CNTNAP2: variants seen among roughly 807,000 people sequenced by gnomAD.
The protein encoded by CNTNAP2 is contactin associated protein 2, also known as contactin-associated protein-like 2.
CNTNAP2 carries 98 observed loss-of-function variants against 155.2 expected under a neutral mutation model. The observed-to-expected ratio is 0.63, with a 90% confidence interval of 0.54 to 0.75. CNTNAP2 has a LOEUF of 0.75. CNTNAP2 is among the 30% of genes least tolerant of loss of function. CNTNAP2 has a pLI of 0.00. For synonymous variants in CNTNAP2, 651 were observed against 631.2 expected, an observed-to-expected ratio of 1.03 and a Z score of -0.47; for missense variants, 1,727 against 1,688.1, an observed-to-expected ratio of 1.02 and a Z score of -0.40.
At chr7:146,172,432 T>A (rs1798408606) in intron 1 of CNTNAP2, among the ~76,000 whole-genome samples, 1 of 152,110 alleles carries the variant, frequency 6.6e-6, no homozygotes, top group African/African-American at 2.4e-5. Context: ...TATTGAAACA[T>A]ACACTGCGCA....
intron 13 of CNTNAP2, among the ~76,000 whole-genome samples, chr7:147,764,087 C>G (rs1190641036): frequency 6.6e-6 from 1 of 151,876 alleles, no homozygotes; most frequent in Admixed American, 6.6e-5. Flanking sequence ...TAGCTTTTTC[C>G]CTTGTTCTCA....
rs1563137238 is a variant in CNTNAP2, at chr7:147,925,199, GA to G, written c.2255+21480del. 7.8e-4 allele frequency among the ~76,000 whole-genome samples: 117 copies of G among 149,526 alleles called. 2 individuals are homozygous for G. Among genetic ancestry groups the G allele is most frequent in the African/African-American group, 2.6e-3 (105 of 39,956 alleles). On this transcript the variant is annotated intron_variant, in intron 14 of 23. Coordinates refer to ENST00000361727, the MANE Select transcript of CNTNAP2 (RefSeq NM_014141.6). Reference sequence around the variant, plus strand: ...GGAAGGAAGGAAGGAAGGAAGGAAGGAAGGAAGGAAAGAAGGAGCAGTTTTA... The same window carrying G: ...GGAAGGAAGGAAGGAAGGAAGGAAGGAGGAAGGAAAGAAGGAGCAGTTTTA...
At chr7:147,713,723 T>C (rs1796437750) in intron 13 of CNTNAP2, among the ~76,000 whole-genome samples, 1 of 152,130 alleles carries the variant, frequency 6.6e-6, no homozygotes, top group African/African-American at 2.4e-5. Flanking sequence ...CTAAACTGTT[T>C]TCTATGGTGG....
At chr7:148,180,587 A>C (rs1372069965) in intron 18 of CNTNAP2, among the ~76,000 whole-genome samples, 1 of 152,142 alleles carries the variant, frequency 6.6e-6, no homozygotes, top group Non-Finnish European at 1.5e-5. Context: ...TACCAACAGA[A>C]GTTGCGTCTC....
intron 2 of CNTNAP2, among the ~76,000 whole-genome samples, chr7:146,786,439 C>A (rs1265183313): frequency 1.3e-5 from 2 of 151,910 alleles, no homozygotes; most frequent in Non-Finnish European, 2.9e-5. Context: ...TAGAATTGTT[C>A]TTTTATATGC....
chr7:147,052,624 T>C lies in CNTNAP2; in HGVS notation c.550+8570T>C, dbSNP rs182032095. ...TTTCTAATTTAAATATTTGTATAAC[T>C]TGTATTATTATTTCTGGTTATTATT... On this transcript the variant is annotated intron_variant, in intron 4 of 23. Coordinates refer to ENST00000361727, the MANE Select transcript of CNTNAP2 (RefSeq NM_014141.6). 3.1e-4 allele frequency among the ~76,000 whole-genome samples: 47 copies of C among 152,132 alleles called. 1 individual carries two copies. The highest frequency in any genetic ancestry group is 2.8e-3 in the Admixed American group (42 of 15,268).
chr7:148,352,078 G>C (rs947056874), intron 21 of CNTNAP2, among the ~76,000 whole-genome samples: 1 of 152,194 alleles, frequency 6.6e-6, no homozygotes, highest in African/African-American at 2.4e-5. Context: ...TCAGATAAGT[G>C]TGTGGTAGGC....
Position 146,247,564 on chromosome 7 carries a change from T to G in CNTNAP2, c.97+130591T>G, listed in dbSNP as rs183801489. 5.2e-3 allele frequency among the ~76,000 whole-genome samples: 799 copies of G among 152,204 alleles called. 5 individuals carry two copies. Among genetic ancestry groups the G allele is most frequent in the African/African-American group, 0.018 (763 of 41,516 alleles). On this transcript the variant is annotated intron_variant, in intron 1 of 23. Coordinates refer to ENST00000361727, the MANE Select transcript of CNTNAP2 (RefSeq NM_014141.6). ...TTACATTGGGAACAGAGACTAGAGA[T>G]GCACTGACATGTAAAAGAGTGCCTG...
intron 13 of CNTNAP2, among the ~76,000 whole-genome samples, chr7:147,677,429 T>C (rs1184588841): frequency 6.6e-6 from 1 of 151,750 alleles, no homozygotes; most frequent in Non-Finnish European, 1.5e-5. Flanking sequence ...TTATCAGATG[T>C]GTAGTTTGCA....
rs914624407 is a variant in CNTNAP2, at chr7:147,074,921, T to A, written c.550+30867T>A. Among the ~76,000 whole-genome samples, 31 of 152,288 alleles carry A rather than the reference T, an allele frequency of 2.0e-4. 1 individual carries two copies. The highest frequency in any genetic ancestry group is 6.8e-3 in the Middle Eastern group (2 of 294). On this transcript the variant is annotated intron_variant, in intron 4 of 23. Transcript: ENST00000361727. ...TTTGCTCCTTCTGAAGCATTTTTTTTAATTAGACAATACATTTATAACCAA... is the reference window on the plus strand; with the variant it reads ...TTTGCTCCTTCTGAAGCATTTTTTTAAATTAGACAATACATTTATAACCAA...
chr7:147,663,278 A>C (rs56081512), intron 13 of CNTNAP2, among the ~76,000 whole-genome samples: 1 of 152,130 alleles, frequency 6.6e-6, no homozygotes, highest in South Asian at 2.1e-4. Context: ...TTACAGGCGT[A>C]AGCCACCGTG....
chr7:147,235,812 G>GC (rs1755145009), intron 8 of CNTNAP2, among the ~76,000 whole-genome samples: 1 of 152,072 alleles, frequency 6.6e-6, no homozygotes, highest in Non-Finnish European at 1.5e-5. Flanking sequence ...AATATAATAA[G>GC]CCCATTCTTC....
chr7:147,478,830 G>C (rs964803545), intron 10 of CNTNAP2, among the ~76,000 whole-genome samples: 1 of 152,170 alleles, frequency 6.6e-6, no homozygotes, highest in African/African-American at 2.4e-5. Flanking sequence ...TATTGCTATA[G>C]AAGAGGACTG....
At chr7:147,562,409 TG>T in intron 12 of CNTNAP2, 152 bp downstream of exon 12, 1 of 1,026,732 alleles carries the variant, frequency 9.7e-7, no homozygotes, top group Non-Finnish European at 1.5e-6. Context: ...GATGATGAAA[TG>T]TATTATTAGA....
intron 1 of CNTNAP2, among the ~76,000 whole-genome samples, chr7:146,634,252 A>G (rs1470710600): frequency 4.6e-5 from 7 of 152,346 alleles, no homozygotes; most frequent in African/African-American, 1.7e-4. Flanking sequence ...TTACTTCAAA[A>G]TATTTCTGAA....
chr7:146,213,916 A>G (rs1045165538), intron 1 of CNTNAP2, among the ~76,000 whole-genome samples: 5 of 152,170 alleles, frequency 3.3e-5, no homozygotes, highest in African/African-American at 9.7e-5. Flanking sequence ...CCTACACTCT[A>G]TATTGATTTT....
chr7:147,954,628 C>T (rs576247974), intron 14 of CNTNAP2, among the ~76,000 whole-genome samples: 4 of 152,164 alleles, frequency 2.6e-5, no homozygotes, highest in Non-Finnish European at 4.4e-5. Flanking sequence ...TATTTTCAGC[C>T]AATAATTGCT....
intron 2 of CNTNAP2, among the ~76,000 whole-genome samples, chr7:146,798,286 A>G (rs1392914067): frequency 2.0e-5 from 3 of 152,044 alleles, no homozygotes; most frequent in Admixed American, 6.5e-5. Context: ...TCCAAAAAAA[A>G]AAAAAGACTT....
chr7:147,579,466 C>G (rs944874924), intron 12 of CNTNAP2, among the ~76,000 whole-genome samples: 2 of 151,888 alleles, frequency 1.3e-5, no homozygotes, highest in Admixed American at 6.6e-5. Flanking sequence ...TATAATATGC[C>G]AGTGATACAG....
Sources: gnomAD v4.1 joint callset for allele counts (sites outside exome capture counted in the v4.1 genomes callset) on GRCh38, gnomAD v4.1.1 for gene constraint, MANE v1.5 for transcripts, NCBI Gene and HGNC (gene_info 2026-07-23, HGNC 2026-07-21) for gene names.